Variants in KIRREL3 observed in about 807,000 individuals in gnomAD.
The protein encoded by KIRREL3 is kin of IRRE-like protein 3.
In KIRREL3, 36 loss-of-function variants were observed where a neutral mutation model predicts 89.7. The ratio of observed to expected loss-of-function variants is 0.40; its 90% confidence interval spans 0.31 to 0.53. The LOEUF is 0.53. Among genes scored for constraint, KIRREL3 ranks in the 20% least tolerant of loss-of-function variants. The pLI is 0.49. For missense variants in KIRREL3, 864 were observed against 1,056.6 expected, an observed-to-expected ratio of 0.82 and a Z score of 2.53; for synonymous variants, 445 against 441.4, an observed-to-expected ratio of 1.01 and a Z score of -0.10.
chr11:126,644,406 G>T (rs1944583512), intron 1 of KIRREL3, among the ~76,000 whole-genome samples: 1 of 152,170 alleles, frequency 6.6e-6, no homozygotes, highest in Non-Finnish European at 1.5e-5. Flanking sequence ...GGACAGAGAA[G>T]AACTTTGACA....
intron 1 of KIRREL3, among the ~76,000 whole-genome samples, chr11:126,599,271 G>A (rs897590986): frequency 3.9e-5 from 6 of 152,140 alleles, no homozygotes; most frequent in African/African-American, 9.7e-5. Context: ...CAATTTCCAC[G>A]GCTTTTCAGC....
At chr11:126,971,430 G>T (rs1386135085) in intron 1 of KIRREL3, among the ~76,000 whole-genome samples, 1 of 152,146 alleles carries the variant, frequency 6.6e-6, no homozygotes, top group African/African-American at 2.4e-5. Flanking sequence ...AAACCACTGG[G>T]AGCTGGACAG....
At chr11:126,798,231 GCA>G (rs139107639) in intron 1 of KIRREL3, among the ~76,000 whole-genome samples, 2,729 of 152,248 alleles carry the variant, frequency 0.018, 89 homozygotes, top group African/African-American at 0.063. Context: ...GATCCCGGGT[GCA>G]CAGCTCCTTC....
Position 126,723,175 on chromosome 11 carries a change from T to C in KIRREL3, c.56-160263A>G, listed in dbSNP as rs1190019048. Among the ~76,000 whole-genome samples, 3 of 149,780 alleles carry C rather than the reference T, an allele frequency of 2.0e-5. No homozygotes were observed. The East Asian group carries it at 6.2e-4, about 31-fold the overall frequency. On this transcript the variant is annotated intron_variant, in intron 1 of 16. Transcript: ENST00000525144. The surrounding 1 kb of genome is among the most constrained non-coding windows in gnomAD (Gnocchi z 4.0). ...CGTCCCAGGCATCTATCTCAGAGCC[T>C]GCAGCCCTGACACATTGCAGGTACT... is the stretch of plus-strand genomic sequence containing the variant.
chr11:126,457,111 CAG>C (rs1230795914), intron 6 of KIRREL3, among the ~76,000 whole-genome samples: 2 of 151,924 alleles, frequency 1.3e-5, no homozygotes, highest in African/African-American at 4.8e-5. Context: ...CAGAGACACA[CAG>C]AAGGGACCGG....
rs1940230790 is a variant in KIRREL3 at position 126,562,854 on chromosome 11, C to G, written c.114G>C (p.Lys38Asn). The change falls in exon 2 of 17, where the codon AAG becomes AAC. Residue 38 changes from lysine to asparagine, a missense_variant. By Grantham distance (94) the Lys-to-Asn change is moderately conservative. Transcript: ENST00000525144. The surrounding 1 kb of genome is among the most constrained non-coding windows in gnomAD (Gnocchi z 4.7). Reference sequence around the variant, plus strand: ...ACTGACCTTCATTCATTCTCCGAAACTTGTCCTTGGCCATGTAGCCCAGCA... The same window carrying G: ...ACTGACCTTCATTCATTCTCCGAAAGTTGTCCTTGGCCATGTAGCCCAGCA... ...CLVLGYMAKD[K>N]FRRMNEGQVY... The G allele has an allele frequency of 6.2e-7, 1 of 1,613,884 alleles. No individual in the cohort carries two copies. The highest frequency in any genetic ancestry group is 8.5e-7 in the Non-Finnish European group (1 of 1,179,822).
intron 1 of KIRREL3, among the ~76,000 whole-genome samples, chr11:126,589,736 T>C (rs524776): frequency 0.95 from 144,461 of 152,258 alleles, 68,595 homozygotes; most frequent in East Asian, 1. Flanking sequence ...CCCTTACCTC[T>C]CAGCCTCAGT....
intron 1 of KIRREL3, among the ~76,000 whole-genome samples, chr11:126,699,222 C>T (rs1038646535): frequency 2.0e-5 from 3 of 152,118 alleles, no homozygotes; most frequent in Non-Finnish European, 4.4e-5. Flanking sequence ...CACACAGAGG[C>T]GATTTTGACA....
chr11:126,756,049 G>T (rs966532165), intron 1 of KIRREL3, among the ~76,000 whole-genome samples: 1 of 152,146 alleles, frequency 6.6e-6, no homozygotes, highest in Non-Finnish European at 1.5e-5. Flanking sequence ...ATTGAGAGTG[G>T]CAGCTTTAGA....
chr11:126,863,096 T>G (rs779211836), intron 1 of KIRREL3, among the ~76,000 whole-genome samples: 1 of 152,254 alleles, frequency 6.6e-6, no homozygotes, highest in Non-Finnish European at 1.5e-5. Flanking sequence ...CAGCACCTCC[T>G]GCTGATGGCT....
chr11:126,979,592 G>C (rs1367841164), intron 1 of KIRREL3, among the ~76,000 whole-genome samples: 1 of 152,192 alleles, frequency 6.6e-6, no homozygotes, highest in Non-Finnish European at 1.5e-5. Context: ...GGAGATAGAG[G>C]CTTGAGCTTT....
At position 126,568,417 on chromosome 11, in the gene KIRREL3, G is replaced by A. The variant is rs1940676316; in HGVS notation, c.56-5505C>T. ...TCTGAAGATGGCCAGAGATCAGAAA[G>A]CAAGGGAAGGACCCTCAGTTTTATC... On this transcript the variant is annotated intron_variant, in intron 1 of 16. Transcript: ENST00000525144. This position sits in a 1 kb window ranked among gnomAD's most constrained non-coding sequence, Gnocchi z 4.6. Among the ~76,000 whole-genome samples, 1 of 152,238 alleles carries A rather than the reference G, an allele frequency of 6.6e-6. No homozygotes were observed. Among genetic ancestry groups the A allele is most frequent in the Admixed American group, 6.5e-5 (1 of 15,282 alleles).
At chr11:126,630,493 T>G (rs1054748677) in intron 1 of KIRREL3, among the ~76,000 whole-genome samples, 1 of 152,228 alleles carries the variant, frequency 6.6e-6, no homozygotes, top group East Asian at 1.9e-4. Context: ...AGACCTGGCT[T>G]CAAGGATCTT....
In KIRREL3 at chr11:126,626,138, T is replaced by C. The variant is rs4935978; in HGVS notation, c.56-63226A>G. The stretch of plus-strand genomic sequence containing the variant: ...ATAAATTGGCCCTGTGAGATACATG[T>C]TTCTATAGTCCTGGGTCTAGGAGGG... On this transcript the variant is annotated intron_variant, in intron 1 of 16. Transcript: ENST00000525144. Among the ~76,000 whole-genome samples the C allele has an allele frequency of 8.5e-3, 1,290 of 152,308 alleles. 37 individuals carry two copies. The highest frequency in any genetic ancestry group is 0.076 in the East Asian group (391 of 5,174).
chr11:126,706,920 T>C (rs1947551100), intron 1 of KIRREL3, among the ~76,000 whole-genome samples: 1 of 152,064 alleles, frequency 6.6e-6, no homozygotes, highest in Admixed American at 6.6e-5. Context: ...TATACATTTT[T>C]TTCCACAGAT....
intron 1 of KIRREL3, among the ~76,000 whole-genome samples, chr11:126,745,915 G>C (rs1565697788): frequency 6.6e-6 from 1 of 152,196 alleles, no homozygotes; most frequent in Non-Finnish European, 1.5e-5. Context: ...CCTGAAAGGG[G>C]CACACTAGTG....
At chr11:126,599,327 C>T (rs565321780) in intron 1 of KIRREL3, among the ~76,000 whole-genome samples, 1 of 152,184 alleles carries the variant, frequency 6.6e-6, no homozygotes, top group African/African-American at 2.4e-5. Context: ...GTGTCTTGGC[C>T]CCTAATGGAC....
chr11:126,931,953 C>G lies in KIRREL3; in HGVS notation c.55+68502G>C, dbSNP rs1024171238. On this transcript the variant is annotated intron_variant, in intron 1 of 16. Coordinates refer to ENST00000525144, the MANE Select transcript of KIRREL3 (RefSeq NM_032531.4). The surrounding 1 kb of genome is among the most constrained non-coding windows in gnomAD (Gnocchi z 5.1). ...CAGCTACCTGGAGAAGAAAATTCATCATCACCCTCAGCAGACAGCAAGAAA... is the reference window on the plus strand; with the variant it reads ...CAGCTACCTGGAGAAGAAAATTCATGATCACCCTCAGCAGACAGCAAGAAA... Among the ~76,000 whole-genome samples, 2 of 152,178 alleles carry G rather than the reference C, an allele frequency of 1.3e-5. No homozygotes were observed. The highest frequency in any genetic ancestry group is 4.8e-5 in the African/African-American group (2 of 41,438).
chr11:126,492,017 T>C lies in KIRREL3; in HGVS notation c.434-18551A>G, dbSNP rs1957531535. On this transcript the variant is annotated intron_variant, in intron 4 of 16. Transcript: ENST00000525144. This position sits in a 1 kb window ranked among gnomAD's most constrained non-coding sequence, Gnocchi z 4.8. ...ACGCCTGGGAGATTTGGAGTATTGA[T>C]AGAGGGATTTCAGAATCTGGACTTT... 1.3e-5 allele frequency among the ~76,000 whole-genome samples: 2 copies of C among 152,160 alleles called. No individual in the cohort carries two copies. Among genetic ancestry groups the C allele is most frequent in the Non-Finnish European group, 2.9e-5 (2 of 68,034 alleles).
Sources: gnomAD v4.1 joint callset for allele counts (sites outside exome capture counted in the v4.1 genomes callset) on GRCh38, gnomAD v4.1.1 for gene constraint, Gnocchi (gnomAD v3.1) non-coding constraint, MANE v1.5 for transcripts, NCBI Gene and HGNC (gene_info 2026-07-23, HGNC 2026-07-21) for gene names.